SULT1C3: variants seen among roughly 807,000 people sequenced by gnomAD.
SULT1C3 encodes the protein sulfotransferase 1C3.
A neutral mutation model predicts 28.4 loss-of-function variants in SULT1C3; 31 were observed. The ratio of observed to expected loss-of-function variants is 1.09; its 90% CI spans 0.82 to 1.47. SULT1C3 has a LOEUF of 1.47. SULT1C3 is among the 40% of genes most tolerant of loss of function. SULT1C3 has a pLI of 0.00. For missense variants in SULT1C3, 307 were observed against 272.5 expected (o/e 1.13, Z -0.89); for synonymous variants, 106 against 92.2 (o/e 1.15, Z -0.86).
chr2:108,254,809 G>GTATATATGTGTATATATACACA lies in SULT1C3; in HGVS notation c.400-751_400-730dup, dbSNP rs1675829608. On this transcript the variant is annotated intron_variant, in intron 4 of 7. Coordinates refer to ENST00000681802, the MANE Select transcript of SULT1C3 (RefSeq NM_001320878.2). ...TATATATGTATGTATGCATATATAT[G>GTATATATGTGTATATATACACA]TATATATGTGTATATATACACATAT... Among the ~76,000 whole-genome samples the GTATATATGTGTATATATACACA allele has an allele frequency of 7.3e-5, 11 of 150,098 alleles. No individual in the cohort carries two copies. In the South Asian group the frequency reaches 1.0e-3, roughly 14 times the overall value.
chr2:108,251,865 A>G (rs1262594530), intron 2 of SULT1C3, among the ~76,000 whole-genome samples: 2 of 152,054 alleles, frequency 1.3e-5, no homozygotes, highest in African/African-American at 2.4e-5. Context: ...ACATAGGTTG[A>G]GTATCTCATG....
intron 2 of SULT1C3, among the ~76,000 whole-genome samples, chr2:108,249,677 G>C (rs113814471): frequency 1.6e-4 from 25 of 152,130 alleles, no homozygotes; most frequent in Non-Finnish European, 1.2e-4. Flanking sequence ...ATATTTTTAA[G>C]ATATCAACTG....
At chr2:108,262,389 A>G (rs1038980035), downstream of SULT1C3, among the ~76,000 whole-genome samples, 4 of 152,192 alleles carry the variant, frequency 2.6e-5, no homozygotes, top group Non-Finnish European at 5.9e-5. Context: ...AATGCTGTCA[A>G]TAAAGACATT....
rs1676008453 is a variant in SULT1C3, at chr2:108,260,866, A to G, written c.*186A>G. ...AACAAACCAGTTACTCCAGTAAATA[A>G]AATAAGAGAATTAGAGAGCAGAGTC... On this transcript the variant is annotated 3_prime_UTR_variant, in exon 8 of 8. Coordinates refer to ENST00000681802, the MANE Select transcript of SULT1C3 (RefSeq NM_001320878.2). Among the ~76,000 whole-genome samples, 1 of 152,188 alleles carries G rather than the reference A, an allele frequency of 6.6e-6. No homozygotes were observed. The highest frequency in any genetic ancestry group is 1.5e-5 in the Non-Finnish European group (1 of 68,026).
intron 1 of SULT1C3, among the ~76,000 whole-genome samples, chr2:108,240,894 AT>A (rs1343530707): frequency 6.6e-6 from 1 of 152,232 alleles, no homozygotes; most frequent in Non-Finnish European, 1.5e-5. Context: ...GATTATTTGC[AT>A]AATGTGCAGC....
chr2:108,246,618 A>AAATAT (rs1319766383), intron 1 of SULT1C3, among the ~76,000 whole-genome samples: 9 of 152,154 alleles, frequency 5.9e-5, no homozygotes, highest in African/African-American at 2.2e-4. Context: ...GTAACCCATG[A>AAATAT]CTGATATTTC....
Position 108,255,691 on chromosome 2 carries a change from C to A in SULT1C3, c.519C>A (p.Ser173=). 1.2e-6 allele frequency: 2 copies of A among 1,609,982 alleles called. No homozygotes were observed. The highest frequency in any genetic ancestry group is 8.5e-7 in the Non-Finnish European group (1 of 1,177,392). ...NLEEFYEKFM[S]GKVVGGSWFD... is the part of the protein sequence containing the mutation. ...AGGAATTTTATGAGAAATTCATGTC[C>A]GGAAAAGGTGAGTTCAAACTGATCT... is the stretch of plus-strand genomic sequence containing the variant. Residue 173 remains serine (S), a synonymous_variant, in exon 5 of 8, where the codon TCC becomes TCA. Coordinates refer to ENST00000681802, the MANE Select transcript of SULT1C3 (RefSeq NM_001320878.2).
intron 1 of SULT1C3, among the ~76,000 whole-genome samples, chr2:108,245,300 C>T (rs764020826): frequency 3.9e-5 from 6 of 151,906 alleles, no homozygotes; most frequent in African/African-American, 7.3e-5. Context: ...GTGTGGCCTG[C>T]GTGCCTTCCA....
chr2:108,241,786 G>A (rs565560094), intron 1 of SULT1C3, among the ~76,000 whole-genome samples: 5 of 152,208 alleles, frequency 3.3e-5, no homozygotes, highest in East Asian at 1.9e-4. Context: ...AATAAGCTGG[G>A]CATGATGGCG....
intron 1 of SULT1C3, among the ~76,000 whole-genome samples, 166 bp from the exon 2 acceptor site, chr2:108,247,022 A>G (rs1558661872): frequency 6.6e-6 from 1 of 152,220 alleles, no homozygotes; most frequent in Non-Finnish European, 1.5e-5. Flanking sequence ...GTTGCTATGA[A>G]GATTAAATAA....
At chr2:108,242,069 C>T (rs186927303) in intron 1 of SULT1C3, among the ~76,000 whole-genome samples, 89 of 152,264 alleles carry the variant, frequency 5.8e-4, no homozygotes, top group African/African-American at 2.0e-3. Flanking sequence ...CCAGGCCTTA[C>T]TTATCTGTAA....
At chr2:108,248,183 G>A (rs112439916) in intron 2 of SULT1C3, among the ~76,000 whole-genome samples, 2,164 of 152,270 alleles carry the variant, frequency 0.014, 21 homozygotes, top group South Asian at 0.047. Context: ...GAACCAACGT[G>A]AAGGGGCTCT....
At chr2:108,245,309 C>CA (rs927087773) in intron 1 of SULT1C3, among the ~76,000 whole-genome samples, 99 of 146,980 alleles carry the variant, frequency 6.7e-4, no homozygotes, top group East Asian at 2.6e-3. Context: ...GCGTGCCTTC[C>CA]AAAAAAAAAA....
chr2:108,257,152 GA>G (rs1675885864), intron 5 of SULT1C3, among the ~76,000 whole-genome samples: 1 of 151,876 alleles, frequency 6.6e-6, no homozygotes, highest in South Asian at 2.1e-4. Flanking sequence ...TTGACTTTAA[GA>G]AAAGGAGATA....
In SULT1C3 at chr2:108,247,172, A is replaced by G. The variant is rs761408627; in HGVS notation, c.-7-16A>G. On this transcript the variant is annotated splice_polypyrimidine_tract_variant and intron_variant, in intron 1 of 7. Coordinates refer to ENST00000681802, the MANE Select transcript of SULT1C3 (RefSeq NM_001320878.2). ...TTTTTAAAAATTTTAATTAGTATTG[A>G]TCTTACCCATCCCAGATTCCCAATG... The G allele has an allele frequency of 2.0e-6, 3 of 1,493,968 alleles. No individual in the cohort carries two copies. The highest frequency in any genetic ancestry group is 1.4e-5 in the African/African-American group (1 of 70,836). 92.5% of individuals were successfully genotyped at this position (1,493,968 alleles called of 1,614,324 possible).
intron 1 of SULT1C3, among the ~76,000 whole-genome samples, chr2:108,243,475 C>CA (rs1259148046): frequency 6.6e-6 from 1 of 151,756 alleles, no homozygotes; most frequent in African/African-American, 2.4e-5. Flanking sequence ...ACTAAAAATA[C>CA]AAAAAATTAG....
intron 3 of SULT1C3, among the ~76,000 whole-genome samples, 191 bp from the exon 4 acceptor site, chr2:108,253,154 G>A (rs946063647): frequency 6.6e-6 from 1 of 152,058 alleles, no homozygotes; most frequent in Non-Finnish European, 1.5e-5. Flanking sequence ...AGAATAAGAG[G>A]AAATAAGCAA....
chr2:108,242,064 C>A lies in SULT1C3; in HGVS notation c.-8+1981C>A, dbSNP rs1300485688. On this transcript the variant is annotated intron_variant, in intron 1 of 7. Coordinates refer to ENST00000681802, the MANE Select transcript of SULT1C3 (RefSeq NM_001320878.2). ...AGTATCTAACTCCATGTGTCCCAGG[C>A]CTTACTTATCTGTAAAGCAGGCAAT... is the stretch of plus-strand genomic sequence containing the variant. 3.3e-5 allele frequency among the ~76,000 whole-genome samples: 5 copies of A among 152,248 alleles called. No individual in the cohort carries two copies. In the East Asian group the frequency reaches 5.8e-4, roughly 18 times the overall value.
At chr2:108,250,729 A>AG (rs1675707889) in intron 2 of SULT1C3, among the ~76,000 whole-genome samples, 1 of 152,120 alleles carries the variant, frequency 6.6e-6, no homozygotes, top group Non-Finnish European at 1.5e-5. Context: ...ATTAAAAAAA[A>AG]TGAACTACAG....
Sources: allele counts gnomAD v4.1 joint callset (sites outside exome capture counted in the v4.1 genomes callset), GRCh38; gene constraint gnomAD v4.1.1; transcripts MANE v1.5; gene names NCBI Gene and HGNC (gene_info 2026-07-23, HGNC 2026-07-21).